Variants in SH3PXD2A observed in about 807,000 individuals in gnomAD.
The protein encoded by SH3PXD2A is SH3 and PX domain-containing protein 2A.
Under a neutral mutation model 115.2 loss-of-function variants are expected in SH3PXD2A, and 32 were observed. The ratio of observed to expected loss-of-function variants is 0.28; its 90% CI spans 0.21 to 0.37. The LOEUF (loss-of-function observed/expected upper bound fraction) is 0.37. Ranked by LOEUF, SH3PXD2A falls within the 10% of genes least tolerant of loss-of-function variation. The pLI is 1.00. For synonymous variants in SH3PXD2A, 610 were observed against 629.1 expected (o/e 0.97, Z 0.45); for missense variants, 1,328 against 1,498.7 (o/e 0.89, Z 1.88).
At chr10:103,671,455 A>G (rs2037458004) in intron 6 of SH3PXD2A, among the ~76,000 whole-genome samples, 1 of 152,236 alleles carries the variant, frequency 6.6e-6, no homozygotes, top group Non-Finnish European at 1.5e-5. Context: ...GAAAATGGGA[A>G]GCAGACCAGA....
Position 103,661,236 on chromosome 10 carries a change from C to G in SH3PXD2A, c.473-122G>C, listed in dbSNP as rs2037295962. 4 of 1,187,996 alleles carry G rather than the reference C, an allele frequency of 3.4e-6. No homozygotes were observed. In the East Asian group the frequency reaches 1.1e-4, roughly 33 times the overall value. 73.6% of individuals were successfully genotyped at this position (1,187,996 alleles called of 1,614,324 possible). A position where few individuals can be genotyped will look rare whatever the true frequency, so the allele number is the denominator to read the frequency against. ...CTGTCGCCAGCGCCGCTCCCAGGGG[C>G]AGCCCGCAGCCGGGGCTCGCAGCTC... On this transcript the variant is annotated intron_variant, in intron 7 of 14. Coordinates refer to ENST00000369774, the MANE Select transcript of SH3PXD2A (RefSeq NM_001394015.1).
At chr10:103,743,015 G>A (rs2038461291) in intron 3 of SH3PXD2A, among the ~76,000 whole-genome samples, 1 of 152,254 alleles carries the variant, frequency 6.6e-6, no homozygotes, top group Admixed American at 6.5e-5. Context: ...GTGGGAGGAA[G>A]GAGGAGAAGT....
chr10:103,598,758 G>A lies in SH3PXD2A; in HGVS notation c.*3058C>T, dbSNP rs1005636828. ...AGTAGCTCAAGGGAAAGGCCCTCTC[G>A]CCCTGGCTAGGGCTAGGAGGCCAGG... is the stretch of plus-strand genomic sequence containing the variant. On this transcript the variant is annotated 3_prime_UTR_variant, in exon 15 of 15. Coordinates refer to ENST00000369774, the MANE Select transcript of SH3PXD2A (RefSeq NM_001394015.1). 1.3e-5 allele frequency: 2 copies of A among 152,676 alleles called. No homozygotes were observed. Among genetic ancestry groups the A allele is most frequent in the African/African-American group, 2.4e-5 (1 of 41,458 alleles). The allele number at this position is 152,676 out of a possible 1,614,324, so 9.5% of individuals were successfully genotyped here. A position where few individuals can be genotyped will look rare whatever the true frequency, so the allele number is the denominator to read the frequency against.
chr10:103,783,197 A>G (rs989458913), intron 2 of SH3PXD2A, among the ~76,000 whole-genome samples: 4 of 152,236 alleles, frequency 2.6e-5, no homozygotes, highest in Non-Finnish European at 5.9e-5. Context: ...GGGGCAGGCA[A>G]GGAGTTTGGA....
chr10:103,759,838 C>T (rs371394356), intron 3 of SH3PXD2A, among the ~76,000 whole-genome samples: 2 of 152,334 alleles, frequency 1.3e-5, no homozygotes, highest in East Asian at 1.9e-4. Context: ...CTGGTGACCC[C>T]GCCACGCTTG....
At position 103,607,989 on chromosome 10, in the gene SH3PXD2A, CAAG is replaced by C. The variant is rs1285820280; in HGVS notation, c.1309-2075_1309-2073del. Among the ~76,000 whole-genome samples the C allele has an allele frequency of 2.6e-5, 4 of 151,758 alleles. No individual in the cohort carries two copies. The East Asian group carries it at 7.8e-4, about 29-fold the overall frequency. On this transcript the variant is annotated intron_variant, in intron 13 of 14. Transcript: ENST00000369774. ...AAGAGTCATCACCACTCCCTAATCT[CAAG>C]TACCCAGGGACACAAACACTGCGGA...
intron 12 of SH3PXD2A, 92 bp downstream of exon 12, chr10:103,612,761 G>A: frequency 2.4e-6 from 2 of 819,350 alleles, no homozygotes. Flanking sequence ...AACGCCATGG[G>A]GGTCCTGTGC....
intron 8 of SH3PXD2A, among the ~76,000 whole-genome samples, chr10:103,656,889 G>A (rs1424024367): frequency 6.6e-6 from 1 of 150,668 alleles, no homozygotes; most frequent in African/African-American, 2.4e-5. Context: ...GCTTTGGCTC[G>A]TGCTGACTTT....
At chr10:103,835,060 G>C (rs1026295142) in intron 1 of SH3PXD2A, among the ~76,000 whole-genome samples, 15 of 152,348 alleles carry the variant, frequency 9.8e-5, no homozygotes, top group African/African-American at 3.4e-4. Flanking sequence ...GGAGCACACA[G>C]GTGGGGCAGA....
intron 2 of SH3PXD2A, among the ~76,000 whole-genome samples, chr10:103,770,926 C>T (rs895159586): frequency 6.6e-6 from 1 of 152,182 alleles, no homozygotes; most frequent in Non-Finnish European, 1.5e-5. Flanking sequence ...TACTTTTTAT[C>T]TTGTTGTATT....
chr10:103,824,671 G>A (rs2039412011), intron 1 of SH3PXD2A, among the ~76,000 whole-genome samples: 2 of 152,134 alleles, frequency 1.3e-5, no homozygotes, highest in African/African-American at 4.8e-5. Context: ...GACCAGTCCT[G>A]TGTCTCCACC....
intron 2 of SH3PXD2A, among the ~76,000 whole-genome samples, chr10:103,776,436 CT>C (rs2038879826): frequency 4.8e-5 from 6 of 125,042 alleles, no homozygotes; most frequent in Non-Finnish European, 6.9e-5. Flanking sequence ...GTGTGTGTGT[CT>C]GTGTGTGTGT....
At chr10:103,617,640 C>A (rs2036539570) in intron 10 of SH3PXD2A, among the ~76,000 whole-genome samples, 1 of 152,218 alleles carries the variant, frequency 6.6e-6, no homozygotes. Context: ...GTCCACAGGG[C>A]TCAGAAGCTT....
chr10:103,630,528 T>A (rs2036762732), intron 8 of SH3PXD2A, among the ~76,000 whole-genome samples: 1 of 152,012 alleles, frequency 6.6e-6, no homozygotes, highest in Non-Finnish European at 1.5e-5. Context: ...GGTGCTTTGA[T>A]GATCTAAAAC....
intron 3 of SH3PXD2A, among the ~76,000 whole-genome samples, chr10:103,764,031 G>A (rs528983912): frequency 6.6e-6 from 1 of 152,302 alleles, no homozygotes; most frequent in African/African-American, 2.4e-5. Context: ...ACTAGCAGGC[G>A]AATCCTCATC....
chr10:103,634,036 C>A (rs2036828182), intron 8 of SH3PXD2A, among the ~76,000 whole-genome samples: 1 of 152,210 alleles, frequency 6.6e-6, no homozygotes, highest in African/African-American at 2.4e-5. Context: ...CAAGTTTTGC[C>A]CAGCTCTCCT....
intron 8 of SH3PXD2A, among the ~76,000 whole-genome samples, chr10:103,658,213 T>G (rs1380884093): frequency 6.6e-6 from 1 of 152,234 alleles, no homozygotes; most frequent in African/African-American, 2.4e-5. Flanking sequence ...CAGAGGTGGC[T>G]GGGTCCCCCT....
intron 13 of SH3PXD2A, among the ~76,000 whole-genome samples, chr10:103,610,790 A>G (rs2036415050): frequency 6.6e-6 from 1 of 152,210 alleles, no homozygotes; most frequent in Non-Finnish European, 1.5e-5. Flanking sequence ...GATGGCTAGT[A>G]CTGTCCCGTC....
At position 103,683,462 on chromosome 10, in the gene SH3PXD2A, C is replaced by T. The variant is rs532015312; in HGVS notation, c.427+9566G>A. Among the ~76,000 whole-genome samples, 173 of 152,180 alleles carry T rather than the reference C, an allele frequency of 1.1e-3. 1 individual carries two copies. The highest frequency in any genetic ancestry group is 4.0e-3 in the African/African-American group (165 of 41,502). ...GAGGTTGCAGTAAATCGAGATTGGG[C>T]TACTGCACTCTAGCCTGGGTGACAG... On this transcript the variant is annotated intron_variant, in intron 6 of 14. Coordinates refer to ENST00000369774, the MANE Select transcript of SH3PXD2A (RefSeq NM_001394015.1).
Sources: gnomAD v4.1 joint callset for allele counts (sites outside exome capture counted in the v4.1 genomes callset) on GRCh38, gnomAD v4.1.1 for gene constraint, MANE v1.5 for transcripts, NCBI Gene and HGNC (gene_info 2026-07-23, HGNC 2026-07-21) for gene names.